DCLK2: variants seen among roughly 807,000 people sequenced by gnomAD.
DCLK2 encodes doublecortin like kinase 2, also known as serine/threonine-protein kinase DCLK2.
In DCLK2, 31 loss-of-function variants were observed where a neutral mutation model predicts 78.4. The ratio of observed to expected loss-of-function variants is 0.40; its 90% confidence interval spans 0.30 to 0.53. The LOEUF is 0.53. DCLK2 is among the 20% of genes least tolerant of loss of function. The pLI, the probability that DCLK2 is intolerant of heterozygous loss-of-function variation, is 0.61. For synonymous variants in DCLK2, 407 were observed against 374.9 expected (o/e 1.09, Z -0.99); for missense variants, 872 against 973.7 (o/e 0.90, Z 1.39).
intron 2 of DCLK2, among the ~76,000 whole-genome samples, chr4:150,182,503 T>G (rs1414575891): frequency 6.6e-6 from 1 of 152,220 alleles, no homozygotes; most frequent in East Asian, 1.9e-4. Context: ...TTATTTAAAA[T>G]AAGTGTCTCA....
chr4:150,111,325 A>T (rs1249410379), intron 2 of DCLK2, among the ~76,000 whole-genome samples: 2 of 151,922 alleles, frequency 1.3e-5, no homozygotes, highest in East Asian at 3.9e-4. Flanking sequence ...CCACTTATTG[A>T]TGGGATTATT....
chr4:150,201,610 G>A (rs1560864411), intron 4 of DCLK2, among the ~76,000 whole-genome samples: 1 of 152,206 alleles, frequency 6.6e-6, no homozygotes, highest in African/African-American at 2.4e-5. Flanking sequence ...GGCAGGGGAT[G>A]TATAAGGAGA....
Position 150,084,321 on chromosome 4 carries a change from C to T in DCLK2, c.421+4873C>T, listed in dbSNP as rs1009290972. Among the ~76,000 whole-genome samples, 10 of 152,284 alleles carry T rather than the reference C, an allele frequency of 6.6e-5. No homozygotes were observed. In the East Asian group the frequency reaches 1.9e-3, roughly 29 times the overall value. On this transcript the variant is annotated intron_variant, in intron 1 of 15. Transcript: ENST00000296550. Reference sequence around the variant, plus strand: ...CTAGGGAAGTTTTGTATGAGTTAAGCTTTAATGGGATTCCTAGATATTTGT... The same window carrying T: ...CTAGGGAAGTTTTGTATGAGTTAAGTTTTAATGGGATTCCTAGATATTTGT...
chr4:150,115,887 T>G (rs1470484594), intron 2 of DCLK2, among the ~76,000 whole-genome samples: 1 of 152,076 alleles, frequency 6.6e-6, no homozygotes, highest in Non-Finnish European at 1.5e-5. Context: ...GGTGGGTAAA[T>G]GTAATATCCA....
chr4:150,097,287 G>A (rs767968977), intron 1 of DCLK2, among the ~76,000 whole-genome samples: 13 of 151,272 alleles, frequency 8.6e-5, no homozygotes, highest in Admixed American at 1.3e-4. Flanking sequence ...TTCAGCCTCC[G>A]GGTAGCTGGG....
intron 2 of DCLK2, among the ~76,000 whole-genome samples, chr4:150,162,713 C>T (rs1159555527): frequency 6.6e-6 from 1 of 152,106 alleles, no homozygotes; most frequent in Non-Finnish European, 1.5e-5. Context: ...TCAACTGATC[C>T]TCCTGCCTCA....
At position 150,115,535 on chromosome 4, in the gene DCLK2, T is replaced by G. The variant is rs548150340; in HGVS notation, c.756+12723T>G. Among the ~76,000 whole-genome samples the G allele has an allele frequency of 4.2e-3, 638 of 151,320 alleles. 4 individuals are homozygous for G. The highest frequency in any genetic ancestry group is 0.015 in the African/African-American group (615 of 41,248). On this transcript the variant is annotated intron_variant, in intron 2 of 15. Transcript: ENST00000296550. ...GTTTCAGTTGTTTATTTTTGTGGGG[T>G]TTTTTTTTCCCTTGAGAATGTGACT...
Position 150,102,620 on chromosome 4 carries a change from A to G in DCLK2, c.564A>G (p.Lys188=). 3.7e-6 allele frequency: 6 copies of G among 1,614,180 alleles called. No individual in the cohort carries two copies. Among genetic ancestry groups the G allele is most frequent in the East Asian group, 2.2e-5 (1 of 44,894 alleles). The change falls in exon 2 of 16, where the codon AAA becomes AAG. Residue 188 remains lysine (K), a synonymous_variant. Coordinates refer to ENST00000296550, the MANE Select transcript of DCLK2 (RefSeq NM_001040260.4). ...AAASSVKSEV[K]ESKDFIKPKL... ...CCTCCTCTGTGAAAAGTGAAGTAAAAGAAAGTAAAGATTTCATCAAACCCA... is the reference window on the plus strand; with the variant it reads ...CCTCCTCTGTGAAAAGTGAAGTAAAGGAAAGTAAAGATTTCATCAAACCCA...
At chr4:150,092,038 C>T (rs1560764211) in intron 1 of DCLK2, among the ~76,000 whole-genome samples, 3 of 152,022 alleles carry the variant, frequency 2.0e-5, no homozygotes, top group Non-Finnish European at 4.4e-5. Flanking sequence ...TTTTACATAA[C>T]CTATGTAAGT....
At chr4:150,165,418 C>A (rs1735992746) in intron 2 of DCLK2, among the ~76,000 whole-genome samples, 1 of 152,028 alleles carries the variant, frequency 6.6e-6, no homozygotes, top group African/African-American at 2.4e-5. Context: ...ATTTGTCTTC[C>A]CACATGAAGT....
At chr4:150,114,869 G>A (rs1163450164) in intron 2 of DCLK2, among the ~76,000 whole-genome samples, 1 of 152,168 alleles carries the variant, frequency 6.6e-6, no homozygotes, top group Non-Finnish European at 1.5e-5. Flanking sequence ...ATGCCTTGGT[G>A]ATGTCCTTTT....
intron 2 of DCLK2, among the ~76,000 whole-genome samples, chr4:150,139,741 A>G (rs1176388849): frequency 2.0e-5 from 3 of 152,240 alleles, no homozygotes; most frequent in Non-Finnish European, 4.4e-5. Context: ...ATTGCCAGGA[A>G]AAGCAGAAAC....
At chr4:150,152,060 C>T (rs908747214) in intron 2 of DCLK2, among the ~76,000 whole-genome samples, 4 of 152,134 alleles carry the variant, frequency 2.6e-5, no homozygotes, top group Admixed American at 1.3e-4. Context: ...GTTTGAATCA[C>T]ATATGAAATC....
chr4:150,125,095 A>G (rs1285902364), intron 2 of DCLK2, among the ~76,000 whole-genome samples: 1 of 152,180 alleles, frequency 6.6e-6, no homozygotes, highest in Non-Finnish European at 1.5e-5. Flanking sequence ...CAGACTATGC[A>G]TGTTGTCATG....
Position 150,115,906 on chromosome 4 carries a change from C to A in DCLK2, c.756+13094C>A, listed in dbSNP as rs188744579. 3.3e-3 allele frequency among the ~76,000 whole-genome samples: 503 copies of A among 152,272 alleles called. 1 individual carries two copies. Among genetic ancestry groups the A allele is most frequent in the African/African-American group, 0.011 (462 of 41,562 alleles). ...GGTAAATGTAATATCCAGTGGTGAACAGAGGTCCCAGCTTTGATGGAGGTA... is the reference window on the plus strand; with the variant it reads ...GGTAAATGTAATATCCAGTGGTGAAAAGAGGTCCCAGCTTTGATGGAGGTA... On this transcript the variant is annotated intron_variant, in intron 2 of 15. Transcript: ENST00000296550.
At chr4:150,230,538 A>C (rs925115378) in intron 8 of DCLK2, among the ~76,000 whole-genome samples, 9 of 152,222 alleles carry the variant, frequency 5.9e-5, no homozygotes, top group African/African-American at 1.9e-4. Context: ...GACAGTAGCA[A>C]CTGTTGTCTT....
At chr4:150,249,767 A>G in intron 15 of DCLK2, 83 bp downstream of exon 15, 1 of 1,146,052 alleles carries the variant, frequency 8.7e-7, no homozygotes, top group Admixed American at 1.7e-5. Context: ...CTGCCCTCAC[A>G]TGGAAGTTGG....
intron 2 of DCLK2, among the ~76,000 whole-genome samples, chr4:150,159,152 C>T (rs1735526159): frequency 6.6e-6 from 1 of 152,100 alleles, no homozygotes; most frequent in African/African-American, 2.4e-5. Flanking sequence ...ATATTGTGCC[C>T]TCCGGAAGGA....
At chr4:150,142,709 A>C (rs763723641) in intron 2 of DCLK2, among the ~76,000 whole-genome samples, 17 of 152,224 alleles carry the variant, frequency 1.1e-4, no homozygotes, top group African/African-American at 4.1e-4. Context: ...TTTAACAAAC[A>C]CGAGAATCCC....
Sources: gnomAD v4.1 joint callset for allele counts (sites outside exome capture counted in the v4.1 genomes callset) on GRCh38, gnomAD v4.1.1 for gene constraint, MANE v1.5 for transcripts, NCBI Gene and HGNC (gene_info 2026-07-23, HGNC 2026-07-21) for gene names.